FNDC7: variants seen among roughly 807,000 people sequenced by gnomAD.
FNDC7 encodes fibronectin type III domain-containing protein 7.
In FNDC7, 66 loss-of-function variants were observed where a neutral mutation model predicts 74.2. That is an observed-to-expected ratio of 0.89 (90% CI 0.73 to 1.09). The LOEUF (loss-of-function observed/expected upper bound fraction) is 1.09. Among genes scored for constraint, FNDC7 ranks in the 50% least tolerant of loss-of-function variants. FNDC7 has a pLI of 0.00. For missense variants in FNDC7, 829 were observed against 893.4 expected (o/e 0.93, Z 0.92); for synonymous variants, 307 against 330.2 (o/e 0.93, Z 0.76).
chr1:108,731,276 T>C (rs563165705), intron 9 of FNDC7, among the ~76,000 whole-genome samples: 1 of 152,352 alleles, frequency 6.6e-6, no homozygotes, highest in South Asian at 2.1e-4. Context: ...TTTGCATTTT[T>C]TTCTTCTCAT....
chr1:108,732,508 G>A (rs992314645), intron 9 of FNDC7, among the ~76,000 whole-genome samples: 3 of 152,156 alleles, frequency 2.0e-5, no homozygotes, highest in African/African-American at 7.2e-5. Flanking sequence ...TTATATTTAA[G>A]TTTAATGCCA....
In FNDC7 at chr1:108,713,288, T is replaced by C. The variant is rs181407099; in HGVS notation, c.64-223T>C. 1.1e-3 allele frequency among the ~76,000 whole-genome samples: 175 copies of C among 152,282 alleles called. 1 individual carries two copies. Among genetic ancestry groups the C allele is most frequent in the African/African-American group, 3.9e-3 (160 of 41,558 alleles). On this transcript the variant is annotated intron_variant, in intron 1 of 12. Transcript: ENST00000370017. ...AAAGGGGAAAAAAATGAAATAGTAA[T>C]GGGATCTGCCTCCAGCCTCTAAATT... is the stretch of plus-strand genomic sequence containing the variant.
chr1:108,723,308 T>C (rs1047126902), intron 5 of FNDC7, among the ~76,000 whole-genome samples: 1 of 152,162 alleles, frequency 6.6e-6, no homozygotes, highest in African/African-American at 2.4e-5. Context: ...CGATAATAAG[T>C]GGTAGAGCTG....
intron 2 of FNDC7, among the ~76,000 whole-genome samples, chr1:108,714,664 G>A (rs1340618789): frequency 2.1e-5 from 3 of 140,272 alleles, no homozygotes; most frequent in Non-Finnish European, 4.5e-5. Flanking sequence ...GAGTGCAGTG[G>A]TGCAATCTCG....
At position 108,730,891 on chromosome 1, in the gene FNDC7, G is replaced by C; in HGVS notation, c.1842G>C (p.Gly614=). Residue 614 remains glycine (G), a synonymous_variant, in exon 9 of 13, where the codon GGG becomes GGC. Transcript: ENST00000370017. The part of the protein sequence containing the change: ...TVTLKAISAT[G]LTADCSYQSY... ...CATTAAAAGCAATTAGTGCCACCGG[G>C]TTGACTGCAGATTGCTCCTACCAAA... The C allele has an allele frequency of 6.2e-7, 1 of 1,613,344 alleles. No individual in the cohort carries two copies. Among genetic ancestry groups the C allele is most frequent in the Non-Finnish European group, 8.5e-7 (1 of 1,179,590 alleles).
At chr1:108,727,526 G>A (rs954890838) in intron 6 of FNDC7, among the ~76,000 whole-genome samples, 6 of 152,266 alleles carry the variant, frequency 3.9e-5, no homozygotes, top group Middle Eastern at 3.4e-3. Flanking sequence ...GAACAAGGGC[G>A]CACGTGGCGT....
At chr1:108,729,340 G>A (rs184164435) in intron 8 of FNDC7, among the ~76,000 whole-genome samples, 19 of 152,272 alleles carry the variant, frequency 1.2e-4, no homozygotes, top group African/African-American at 4.6e-4. Flanking sequence ...ACGAGGTCAG[G>A]AGGTCGAGAC....
Position 108,733,380 on chromosome 1 carries a change from G to T in FNDC7, c.1988G>T (p.Gly663Val). The T allele has an allele frequency of 6.2e-7, 1 of 1,614,078 alleles. No individual in the cohort carries two copies. The highest frequency in any genetic ancestry group is 8.5e-7 in the Non-Finnish European group (1 of 1,180,024). ...GSANYSTDLY[G>V]SKGIFTCTPS... ...GCCAATTACAGCACTGACCTCTATG[G>T]CTCCAAAGGCATTTTCACGTGCACC... is the stretch of plus-strand genomic sequence containing the variant. The change falls in exon 10 of 13, where the codon GGC becomes GTC. Residue 663 changes from glycine to valine, a missense_variant. Transcript: ENST00000370017.
chr1:108,719,625 G>A (rs1189533837), intron 4 of FNDC7, among the ~76,000 whole-genome samples: 2 of 152,116 alleles, frequency 1.3e-5, no homozygotes, highest in Non-Finnish European at 2.9e-5. Flanking sequence ...CCAGCTGTGG[G>A]GAGAAGCTGA....
In FNDC7 at chr1:108,728,725, C is replaced by G. The variant is rs143352149; in HGVS notation, c.1463C>G (p.Thr488Arg). The G allele has an allele frequency of 2.5e-6, 4 of 1,614,280 alleles. No individual in the cohort carries two copies. In the South Asian group the frequency reaches 4.4e-5, roughly 18 times the overall value. ...WRSTNDDATY[T>R]VTAQGEKGLY... ...TCCACTAATGATGATGCTACTTACA[C>G]GGTGACTGCCCAAGGGGAGAAAGGA... Residue 488 changes from threonine (T) to arginine (R), a missense_variant, in exon 8 of 13, where the codon ACG becomes AGG. Coordinates refer to ENST00000370017, the MANE Select transcript of FNDC7 (RefSeq NM_001144937.3).
At chr1:108,725,605 A>G in intron 5 of FNDC7, 145 bp from the exon 6 acceptor site, 1 of 824,820 alleles carries the variant, frequency 1.2e-6, no homozygotes, top group Admixed American at 2.9e-5. Flanking sequence ...CTTCCAGTGC[A>G]CAGTTTTGCA....
intron 10 of FNDC7, among the ~76,000 whole-genome samples, chr1:108,736,670 T>C (rs1245837258): frequency 6.6e-6 from 1 of 152,214 alleles, no homozygotes; most frequent in Admixed American, 6.5e-5. Context: ...TCAAGTTCTT[T>C]GATGGGATGC....
Position 108,741,832 on chromosome 1 carries a change from A to C in FNDC7, c.*28A>C, listed in dbSNP as rs751077224. On this transcript the variant is annotated 3_prime_UTR_variant, in exon 12 of 13. Coordinates refer to ENST00000370017, the MANE Select transcript of FNDC7 (RefSeq NM_001144937.3). ...AAGTGAGCCCCAGATAAAAACAAAA[A>C]CTTGACCAAGTGAGTAACGTAAATT... The C allele has an allele frequency of 1.9e-6, 3 of 1,611,642 alleles. No homozygotes were observed. In the South Asian group the frequency reaches 3.3e-5, roughly 18 times the overall value.
At chr1:108,733,742 C>G (rs147302090) in intron 10 of FNDC7, among the ~76,000 whole-genome samples, 4 of 151,256 alleles carry the variant, frequency 2.6e-5, no homozygotes, top group Non-Finnish European at 5.9e-5. Flanking sequence ...CCTCCACCTC[C>G]CAGGGTCAAG....
At chr1:108,719,321 C>T (rs1661042676) in intron 4 of FNDC7, among the ~76,000 whole-genome samples, 2 of 152,320 alleles carry the variant, frequency 1.3e-5, no homozygotes, top group South Asian at 4.1e-4. Context: ...CACATTCGAC[C>T]TCACACAAAA....
rs1661007575 is a variant in FNDC7 at position 108,717,804 on chromosome 1, C to G, written c.110C>G (p.Ala37Gly). 10 of 1,551,584 alleles carry G rather than the reference C, an allele frequency of 6.4e-6. No individual in the cohort carries two copies. The highest frequency in any genetic ancestry group is 8.7e-6 in the Non-Finnish European group (10 of 1,146,990). ...SAPEIPTIDQAYSKLSNSITV... is the reference protein window; with the variant it reads ...SAPEIPTIDQGYSKLSNSITV... Reference sequence around the variant, plus strand: ...CCTGAAATACCCACTATTGATCAGGCATATTCAAAACTCAGCAACAGTATC... The same window carrying G: ...CCTGAAATACCCACTATTGATCAGGGATATTCAAAACTCAGCAACAGTATC... Residue 37 changes from alanine (A) to glycine (G), a missense_variant, in exon 3 of 13, where the codon GCA becomes GGA. Coordinates refer to ENST00000370017, the MANE Select transcript of FNDC7 (RefSeq NM_001144937.3).
At position 108,742,064 on chromosome 1, in the gene FNDC7, G is replaced by A. The variant is rs1267646094; in HGVS notation, c.*177G>A. 1.9e-6 allele frequency: 1 copy of A among 519,804 alleles called. No individual in the cohort carries two copies. Among genetic ancestry groups the A allele is most frequent in the African/African-American group, 1.9e-5 (1 of 51,704 alleles). 32.2% of individuals were successfully genotyped at this position (519,804 alleles called of 1,614,324 possible). A position where few individuals can be genotyped will look rare whatever the true frequency, so the allele number is the denominator to read the frequency against. On this transcript the variant is annotated 3_prime_UTR_variant, in exon 13 of 13. Coordinates refer to ENST00000370017, the MANE Select transcript of FNDC7 (RefSeq NM_001144937.3). ...GCTTCCTGAGGGCAAGGTCAGGTGT[G>A]TCCTCACCTGCACAGCAGTTGGAGA...
At chr1:108,733,153 A>G (rs1661430890) in intron 9 of FNDC7, 119 bp from the exon 10 acceptor site, 1 of 1,247,550 alleles carries the variant, frequency 8.0e-7, no homozygotes, top group East Asian at 2.3e-5. Context: ...TCTAACCAGT[A>G]ATTAATCCTG....
intron 10 of FNDC7, 151 bp from the exon 11 acceptor site, chr1:108,737,344 T>C: frequency 3.6e-6 from 2 of 561,654 alleles, no homozygotes; most frequent in Middle Eastern, 5.0e-4. Context: ...CAGGTCATAC[T>C]GCTAGTAGTA....
Sources: gnomAD v4.1 joint callset for allele counts (sites outside exome capture counted in the v4.1 genomes callset) on GRCh38, gnomAD v4.1.1 for gene constraint, MANE v1.5 for transcripts, NCBI Gene and HGNC (gene_info 2026-07-23, HGNC 2026-07-21) for gene names.